The following CCDC178 variants were observed in gnomAD, a reference collection of about 807,000 sequenced individuals.
CCDC178 encodes coiled-coil domain-containing protein 178.
CCDC178 carries 126 observed loss-of-function variants against 117.4 expected under a neutral mutation model. That is an observed-to-expected ratio of 1.07 (90% confidence interval 0.93 to 1.24). The LOEUF (loss-of-function observed/expected upper bound fraction) is 1.24, where lower values mean the gene tolerates loss of function less well. Among genes scored for constraint, CCDC178 ranks in the 50% most tolerant of loss-of-function variants. CCDC178 has a pLI of 0.00. For missense variants in CCDC178, 1,030 were observed against 986.9 expected (o/e 1.04, Z -0.59); for synonymous variants, 283 against 313.4 (o/e 0.90, Z 1.02).
chr18:33,115,149 C>T (rs1265335070), intron 20 of CCDC178, among the ~76,000 whole-genome samples: 1 of 151,978 alleles, frequency 6.6e-6, no homozygotes, highest in Non-Finnish European at 1.5e-5. Flanking sequence ...CTTTTCTTCA[C>T]CAAAAATGTT....
chr18:33,323,161 C>T (rs1462857893), intron 11 of CCDC178: 1 of 159,028 alleles, frequency 6.3e-6, no homozygotes, highest in Non-Finnish European at 1.4e-5. Flanking sequence ...AATCATATCC[C>T]ATGCTGGATT....
chr18:33,022,689 C>A (rs1348300444), intron 21 of CCDC178, among the ~76,000 whole-genome samples: 2 of 151,858 alleles, frequency 1.3e-5, no homozygotes, highest in African/African-American at 4.8e-5. Context: ...AAACAGAAAA[C>A]AAATAGAAAG....
intron 20 of CCDC178, among the ~76,000 whole-genome samples, chr18:33,131,124 T>C (rs1476646443): frequency 6.6e-6 from 1 of 151,942 alleles, no homozygotes; most frequent in African/African-American, 2.4e-5. Flanking sequence ...ATTTCATTGA[T>C]GTTTTATTGA....
chr18:33,287,628 A>C (rs1188399818), intron 12 of CCDC178, among the ~76,000 whole-genome samples: 1 of 151,926 alleles, frequency 6.6e-6, no homozygotes, highest in Non-Finnish European at 1.5e-5. Flanking sequence ...AAAATACAAA[A>C]AATTAGTTGG....
At chr18:33,426,069 T>C (rs1387510779) in intron 2 of CCDC178, among the ~76,000 whole-genome samples, 1 of 152,142 alleles carries the variant, frequency 6.6e-6, no homozygotes, top group African/African-American at 2.4e-5. Context: ...ATAAAATAAT[T>C]TATTAAGTAT....
At chr18:33,109,436 T>C (rs1162292394) in intron 20 of CCDC178, among the ~76,000 whole-genome samples, 1 of 151,658 alleles carries the variant, frequency 6.6e-6, no homozygotes, top group Admixed American at 6.6e-5. Context: ...ATGTCTTTTA[T>C]AAAAAGGTTG....
chr18:33,239,571 A>G (rs1349057956), intron 15 of CCDC178, among the ~76,000 whole-genome samples: 1 of 151,920 alleles, frequency 6.6e-6, no homozygotes, highest in Admixed American at 6.6e-5. Flanking sequence ...TACTTATATC[A>G]GACAAATCAG....
At chr18:33,297,869 G>A (rs762628251) in intron 11 of CCDC178, among the ~76,000 whole-genome samples, 15 of 151,944 alleles carry the variant, frequency 9.9e-5, no homozygotes, top group Admixed American at 3.3e-4. Context: ...GTGAAACCCC[G>A]TCTCTACTAA....
intron 14 of CCDC178, 54 bp downstream of exon 14, chr18:33,266,862 G>T: frequency 7.1e-7 from 1 of 1,405,280 alleles, no homozygotes; most frequent in Non-Finnish European, 9.6e-7. Flanking sequence ...GAGGTTTATT[G>T]TATTTAACAT....
chr18:33,168,539 A>T (rs373434287), intron 20 of CCDC178, among the ~76,000 whole-genome samples: 29 of 152,232 alleles, frequency 1.9e-4, no homozygotes, highest in African/African-American at 7.0e-4. Flanking sequence ...ATTTGTTTAT[A>T]CAAAATCAAA....
chr18:33,076,627 A>G (rs2057212417), intron 21 of CCDC178, among the ~76,000 whole-genome samples: 1 of 152,170 alleles, frequency 6.6e-6, no homozygotes, highest in Non-Finnish European at 1.5e-5. Context: ...TATTCTCTAT[A>G]ATATTCTTTC....
chr18:33,108,819 T>A (rs1431960764), intron 20 of CCDC178, among the ~76,000 whole-genome samples: 1 of 151,694 alleles, frequency 6.6e-6, no homozygotes, highest in African/African-American at 2.4e-5. Context: ...TTTGATAACT[T>A]CTGTTTGAAC....
chr18:33,419,240 C>T (rs185290349), intron 2 of CCDC178, among the ~76,000 whole-genome samples: 3 of 151,988 alleles, frequency 2.0e-5, no homozygotes, highest in East Asian at 1.9e-4. Context: ...TAGCTATATG[C>T]AAAAGATTGA....
At chr18:33,347,756 T>A (rs1229437479) in intron 8 of CCDC178, among the ~76,000 whole-genome samples, 1 of 152,116 alleles carries the variant, frequency 6.6e-6, no homozygotes, top group East Asian at 1.9e-4. Flanking sequence ...GTGTTCATTA[T>A]GTTTCTAGGA....
chr18:33,434,493 T>C (rs1055107424), intron 2 of CCDC178, among the ~76,000 whole-genome samples: 2 of 152,130 alleles, frequency 1.3e-5, no homozygotes, highest in Admixed American at 1.3e-4. Context: ...ATAAATGCTG[T>C]CATACTGATG....
chr18:33,030,732 AGATAGAT>A (rs1043948537), intron 21 of CCDC178, among the ~76,000 whole-genome samples: 1 of 152,112 alleles, frequency 6.6e-6, no homozygotes, highest in Non-Finnish European at 1.5e-5. Flanking sequence ...GTCTCACATG[AGATAGAT>A]GATAGATCAA....
At chr18:33,226,509 A>G (rs1318677165) in intron 16 of CCDC178, among the ~76,000 whole-genome samples, 3 of 152,238 alleles carry the variant, frequency 2.0e-5, no homozygotes, top group Non-Finnish European at 4.4e-5. Flanking sequence ...AAAGCAAACT[A>G]AAGAGTCAGA....
intron 12 of CCDC178, among the ~76,000 whole-genome samples, chr18:33,282,878 C>T (rs1218145850): frequency 1.3e-5 from 2 of 152,114 alleles, no homozygotes; most frequent in African/African-American, 2.4e-5. Context: ...GGGGATCCTG[C>T]CACACCCTGA....
At chr18:33,128,828 A>T (rs1315939773) in intron 20 of CCDC178, among the ~76,000 whole-genome samples, 4 of 152,186 alleles carry the variant, frequency 2.6e-5, no homozygotes, top group African/African-American at 9.6e-5. Context: ...TTTGTAAATG[A>T]GTCAGTCTCA....
Sources: gnomAD v4.1 joint callset for allele counts (sites outside exome capture counted in the v4.1 genomes callset) on GRCh38, gnomAD v4.1.1 for gene constraint, MANE v1.5 for transcripts, NCBI Gene and HGNC (gene_info 2026-07-23, HGNC 2026-07-21) for gene names.